The following HNRNPLL variants were observed in gnomAD, a reference collection of about 807,000 sequenced individuals.
The protein encoded by HNRNPLL is heterogeneous nuclear ribonucleoprotein L-like.
A neutral mutation model predicts 67.1 loss-of-function variants in HNRNPLL; 25 were observed. The observed-to-expected ratio is 0.37, with a 90% CI of 0.27 to 0.52. The LOEUF (loss-of-function observed/expected upper bound fraction) is 0.52, where lower values mean the gene tolerates loss of function less well. Ranked by LOEUF, HNRNPLL falls within the 20% of genes least tolerant of loss-of-function variation. The pLI, the probability that HNRNPLL is intolerant of heterozygous loss-of-function variation, is 0.90. For synonymous variants in HNRNPLL, 267 were observed against 241.7 expected (o/e 1.10, Z -0.97); for missense variants, 542 against 673.9 (o/e 0.80, Z 2.17).
At chr2:38,602,209 C>T (rs920640040) in intron 1 of HNRNPLL, 1 of 515,774 alleles carries the variant, frequency 1.9e-6, no homozygotes, top group South Asian at 2.5e-5. Flanking sequence ...CAGGGCCCGG[C>T]AGTGGACTCG....
At chr2:38,579,644 T>A (rs1413646468) in intron 6 of HNRNPLL, among the ~76,000 whole-genome samples, 1 of 151,994 alleles carries the variant, frequency 6.6e-6, no homozygotes, top group East Asian at 1.9e-4. Context: ...CTGGAGGGGT[T>A]CCCTGGCGTC....
intron 8 of HNRNPLL, among the ~76,000 whole-genome samples, chr2:38,572,045 C>T (rs1261156634): frequency 6.6e-6 from 1 of 151,956 alleles, no homozygotes; most frequent in African/African-American, 2.4e-5. Context: ...TACATTAAAG[C>T]CCATTTAATT....
At chr2:38,573,008 T>A (rs1365118583) in intron 8 of HNRNPLL, among the ~76,000 whole-genome samples, 1 of 152,030 alleles carries the variant, frequency 6.6e-6, no homozygotes. Flanking sequence ...TAAAAATATT[T>A]GTAGTATCAA....
rs768814425 is a variant in HNRNPLL at position 38,569,321 on chromosome 2, G to T, written c.1228C>A (p.His410Asn). 11 of 1,610,394 alleles carry T rather than the reference G, an allele frequency of 6.8e-6. No individual in the cohort carries two copies. The East Asian group carries it at 2.5e-4, about 36-fold the overall frequency. The change falls in exon 10 of 13, where the codon CAT (histidine) becomes AAT (asparagine). Residue 410 changes from histidine to asparagine, a missense_variant. Physicochemically the swap from His to Asn is moderately conservative, Grantham distance 68. Around this residue, in one of 2 missense-constraint regions of HNRNPLL, gnomAD observed 415 missense variants for 575.2 expected, o/e 0.72. Coordinates refer to ENST00000449105, the MANE Select transcript of HNRNPLL (RefSeq NM_138394.4). Reference protein sequence around the residue: ...KRLNVCVSKQHSVVPSQIFEL... With the variant: ...KRLNVCVSKQNSVVPSQIFEL... ...AATATTTGACTTGGAACAACTGAAT[G>T]TTGTTTAGACACGCTAAAGATTGTA...
intron 6 of HNRNPLL, among the ~76,000 whole-genome samples, chr2:38,578,515 C>A (rs1256956071): frequency 6.6e-6 from 1 of 151,962 alleles, no homozygotes; most frequent in Non-Finnish European, 1.5e-5. Flanking sequence ...TCCTTAGTCA[C>A]CTAAACAAAT....
At chr2:38,596,959 A>G (rs1417992381) in intron 1 of HNRNPLL, among the ~76,000 whole-genome samples, 2 of 152,242 alleles carry the variant, frequency 1.3e-5, no homozygotes, top group Non-Finnish European at 2.9e-5. Flanking sequence ...AGACCAGTCT[A>G]CTTACAGACA....
chr2:38,592,860 C>T (rs145637846), intron 1 of HNRNPLL, among the ~76,000 whole-genome samples: 8 of 152,152 alleles, frequency 5.3e-5, no homozygotes, highest in East Asian at 3.9e-4. Context: ...AATCTGAAAG[C>T]GCTATTTTAC....
intron 1 of HNRNPLL, among the ~76,000 whole-genome samples, chr2:38,600,212 C>A (rs763376735): frequency 3.2e-4 from 48 of 152,240 alleles, no homozygotes; most frequent in Admixed American, 1.3e-3. Flanking sequence ...ACAATTCACC[C>A]TTTCCTAGGA....
intron 7 of HNRNPLL, among the ~76,000 whole-genome samples, chr2:38,575,969 G>A (rs1297728477): frequency 6.6e-6 from 1 of 151,578 alleles, no homozygotes; most frequent in Non-Finnish European, 1.5e-5. Context: ...ATATCTTAAT[G>A]GACATAGCTC....
chr2:38,568,861 G>A (rs1665967159), intron 10 of HNRNPLL, among the ~76,000 whole-genome samples: 1 of 152,076 alleles, frequency 6.6e-6, no homozygotes, highest in African/African-American at 2.4e-5. Context: ...GACACGATAT[G>A]TCTTTAAATA....
chr2:38,571,715 G>C (rs1450956310), intron 8 of HNRNPLL, among the ~76,000 whole-genome samples: 1 of 152,006 alleles, frequency 6.6e-6, no homozygotes. Flanking sequence ...ATCTCCAAAA[G>C]AAAGTTAGAA....
chr2:38,572,157 G>T (rs1191825540), intron 8 of HNRNPLL, among the ~76,000 whole-genome samples: 10 of 152,020 alleles, frequency 6.6e-5, no homozygotes, highest in Admixed American at 6.6e-4. Context: ...ATGTATTCTT[G>T]CCCAGTTACA....
chr2:38,572,721 C>CTGCACA (rs1489700618), intron 8 of HNRNPLL, among the ~76,000 whole-genome samples: 2 of 152,026 alleles, frequency 1.3e-5, no homozygotes, highest in Non-Finnish European at 2.9e-5. Context: ...GTTTCAAATA[C>CTGCACA]TGGTTGAGCT....
intron 2 of HNRNPLL, 46 bp from the exon 3 acceptor site, chr2:38,585,927 GTTAACA>G (rs1558540044): frequency 4.4e-6 from 5 of 1,132,278 alleles, no homozygotes; most frequent in Non-Finnish European, 6.7e-6. Context: ...AGCAAGTTCC[GTTAACA>G]TTATTTGTCC....
chr2:38,586,763 C>G (rs1360233204), intron 2 of HNRNPLL, among the ~76,000 whole-genome samples: 1 of 152,070 alleles, frequency 6.6e-6, no homozygotes, highest in Non-Finnish European at 1.5e-5. Flanking sequence ...ATACGGCAAT[C>G]AGGAGTGTCT....
rs774343109 is a variant in HNRNPLL, at chr2:38,602,813, G to A, written c.-187C>T. The A allele has an allele frequency of 3.4e-5, 53 of 1,544,888 alleles. No individual in the cohort carries two copies. In the Middle Eastern group the frequency reaches 1.2e-3, roughly 34 times the overall value. On this transcript the variant is annotated 5_prime_UTR_variant, in exon 1 of 13. Transcript: ENST00000449105. ...GAGAAGCGCGGACGGACTGAGGGGG[G>A]CGCCCCGGGAGGAAGCTCTGGAGCG...
intron 1 of HNRNPLL, among the ~76,000 whole-genome samples, chr2:38,595,330 C>G (rs1667137711): frequency 6.8e-6 from 1 of 146,406 alleles, no homozygotes; most frequent in South Asian, 2.2e-4. Context: ...ATAAATTGAT[C>G]ACATCTCTTC....
intron 1 of HNRNPLL, among the ~76,000 whole-genome samples, chr2:38,601,409 G>A (rs1572471792): frequency 6.6e-6 from 1 of 152,242 alleles, no homozygotes; most frequent in South Asian, 2.1e-4. Context: ...GGATATATGT[G>A]TACAGTTTCG....
At position 38,573,384 on chromosome 2, in the gene HNRNPLL, C is replaced by A; in HGVS notation, c.918G>T (p.Met306Ile). 1 of 1,611,610 alleles carries A rather than the reference C, an allele frequency of 6.2e-7. No homozygotes were observed. The highest frequency in any genetic ancestry group is 8.5e-7 in the Non-Finnish European group (1 of 1,178,850). ...CAAGTTCAGGTGTATCTCGAGAGCC[C>A]ATTCTGTAACGACTTGGTAAAGGCA... is the stretch of plus-strand genomic sequence containing the variant. ...PLLPLPSRYR[M>I]GSRDTPELVA... Residue 306 changes from methionine (M) to isoleucine (I), a missense_variant, in exon 8 of 13, where the codon ATG becomes ATT. By Grantham distance (10) the Met-to-Ile change is conservative. Coordinates refer to ENST00000449105, the MANE Select transcript of HNRNPLL (RefSeq NM_138394.4).
Sources: allele counts gnomAD v4.1 joint callset (sites outside exome capture counted in the v4.1 genomes callset), GRCh38; gene constraint gnomAD v4.1.1; regional missense constraint gnomAD v4.1.1; transcripts MANE v1.5; gene names NCBI Gene and HGNC (gene_info 2026-07-23, HGNC 2026-07-21).